HS3ST2: variants seen among roughly 807,000 people sequenced by gnomAD.
HS3ST2 encodes the protein heparan sulfate glucosamine 3-O-sulfotransferase 2.
Under a neutral mutation model 26.3 loss-of-function variants are expected in HS3ST2, and 17 were observed. That is an observed-to-expected ratio of 0.65 (90% CI 0.44 to 0.97). HS3ST2 has a LOEUF of 0.97. Among genes scored for constraint, HS3ST2 ranks in the 50% least tolerant of loss-of-function variants. HS3ST2 has a pLI of 0.00. For missense variants in HS3ST2, 402 were observed against 501.2 expected, an observed-to-expected ratio of 0.80 and a Z score of 1.89; for synonymous variants, 237 against 219.2, an observed-to-expected ratio of 1.08 and a Z score of -0.72.
At chr16:22,910,105 G>A (rs1458337660) in intron 1 of HS3ST2, among the ~76,000 whole-genome samples, 10 of 151,696 alleles carry the variant, frequency 6.6e-5, no homozygotes, top group Non-Finnish European at 1.0e-4. Flanking sequence ...CTTCACTTTA[G>A]TGCACAGATG....
At chr16:22,817,184 A>C (rs2141172266) in intron 1 of HS3ST2, among the ~76,000 whole-genome samples, 1 of 152,214 alleles carries the variant, frequency 6.6e-6, no homozygotes, top group Admixed American at 6.5e-5. Context: ...GGTTTTATTT[A>C]ACATCAAGCA....
intron 1 of HS3ST2, among the ~76,000 whole-genome samples, chr16:22,816,355 CTT>C (rs1567477513): frequency 6.6e-6 from 1 of 152,208 alleles, no homozygotes; most frequent in African/African-American, 2.4e-5. Context: ...CAAGGGACAA[CTT>C]TGTTAGAAAG....
intron 1 of HS3ST2, among the ~76,000 whole-genome samples, chr16:22,816,467 A>G (rs903158318): frequency 3.9e-5 from 6 of 152,202 alleles, no homozygotes; most frequent in African/African-American, 1.2e-4. Context: ...CTGGCTCGCA[A>G]TGGTTGTAGT....
intron 1 of HS3ST2, among the ~76,000 whole-genome samples, chr16:22,913,820 G>A (rs1005375490): frequency 6.6e-6 from 1 of 152,122 alleles, no homozygotes; most frequent in Non-Finnish European, 1.5e-5. Flanking sequence ...GGGCAACATA[G>A]TGAGACCCTA....
At position 22,814,847 on chromosome 16, in the gene HS3ST2, G is replaced by T; in HGVS notation, c.237G>T (p.Thr79=). 6.4e-7 allele frequency: 1 copy of T among 1,561,188 alleles called. No homozygotes were observed. Among genetic ancestry groups the T allele is most frequent in the Non-Finnish European group, 8.7e-7 (1 of 1,153,626 alleles). Residue 79 remains threonine (T), a synonymous_variant, in exon 1 of 2, where the codon ACG becomes ACT. Coordinates refer to ENST00000261374, the MANE Select transcript of HS3ST2 (RefSeq NM_006043.2). ...KSRPCDPSGP[T]PSEPSAPSAP... is the part of the protein sequence containing the mutation. ...GCCCCTGTGATCCCTCCGGGCCGAC[G>T]CCCAGCGAGCCCAGCGCTCCCAGCG...
intron 1 of HS3ST2, among the ~76,000 whole-genome samples, chr16:22,857,951 T>C (rs1207615551): frequency 6.6e-6 from 1 of 152,166 alleles, no homozygotes; most frequent in Non-Finnish European, 1.5e-5. Context: ...TGAGAGATTC[T>C]TAAGTAGGAT....
intron 1 of HS3ST2, among the ~76,000 whole-genome samples, chr16:22,837,981 T>C (rs536336777): frequency 1.3e-5 from 2 of 152,170 alleles, no homozygotes; most frequent in African/African-American, 2.4e-5. Flanking sequence ...TTTCCACTTA[T>C]GTGCCTAACA....
intron 1 of HS3ST2, among the ~76,000 whole-genome samples, chr16:22,832,171 A>ATTTTTTTTTTTTTTTTT (rs1289839839): frequency 3.6e-5 from 4 of 112,212 alleles, no homozygotes; most frequent in African/African-American, 3.1e-5. Context: ...TTTTTTTTTA[A>ATTTTTTTTTTTTTTTTT]TTTTTAGTGG....
chr16:22,884,859 T>A (rs867974544), intron 1 of HS3ST2, among the ~76,000 whole-genome samples: 9 of 148,974 alleles, frequency 6.0e-5, no homozygotes, highest in Non-Finnish European at 8.9e-5. Context: ...TTTTTTTTTT[T>A]AAACAGAGTC....
intron 1 of HS3ST2, among the ~76,000 whole-genome samples, chr16:22,840,305 C>T (rs777633773): frequency 1.3e-5 from 2 of 152,202 alleles, no homozygotes; most frequent in African/African-American, 4.8e-5. Context: ...AGGGAGGTCA[C>T]TTCTAGCCCA....
intron 1 of HS3ST2, among the ~76,000 whole-genome samples, chr16:22,912,778 G>A (rs375702790): frequency 5.2e-4 from 79 of 152,236 alleles, no homozygotes; most frequent in African/African-American, 1.7e-3. Context: ...AAGTCATCAG[G>A]TTGTTGCCAT....
intron 1 of HS3ST2, among the ~76,000 whole-genome samples, chr16:22,858,770 G>C (rs991721064): frequency 6.6e-6 from 1 of 151,922 alleles, no homozygotes; most frequent in African/African-American, 2.4e-5. Flanking sequence ...TCCTTCACTG[G>C]GCTTGTCTGA....
intron 1 of HS3ST2, among the ~76,000 whole-genome samples, chr16:22,829,262 C>T (rs1456658773): frequency 6.6e-6 from 1 of 152,150 alleles, no homozygotes; most frequent in African/African-American, 2.4e-5. Flanking sequence ...ACTCAACATC[C>T]TTAGGGATTC....
chr16:22,829,919 T>C (rs1901144284), intron 1 of HS3ST2, among the ~76,000 whole-genome samples: 1 of 152,198 alleles, frequency 6.6e-6, no homozygotes, highest in African/African-American at 2.4e-5. Flanking sequence ...CAAGAGGCAC[T>C]CACTGTCATC....
intron 1 of HS3ST2, among the ~76,000 whole-genome samples, chr16:22,831,889 G>A (rs1901175785): frequency 6.6e-6 from 1 of 152,060 alleles, no homozygotes; most frequent in African/African-American, 2.4e-5. Flanking sequence ...TGTGGTGGTG[G>A]TCACATGTAT....
At chr16:22,884,402 G>A (rs902479359) in intron 1 of HS3ST2, among the ~76,000 whole-genome samples, 2 of 152,098 alleles carry the variant, frequency 1.3e-5, no homozygotes, top group Admixed American at 6.5e-5. Flanking sequence ...AGCTCCTGCC[G>A]AGGTAGAAGG....
At chr16:22,901,191 G>GA (rs777356175) in intron 1 of HS3ST2, among the ~76,000 whole-genome samples, 15 of 152,208 alleles carry the variant, frequency 9.9e-5, no homozygotes, top group South Asian at 2.1e-4. Context: ...CCAGGAAAAG[G>GA]AAAAGCTGGG....
At chr16:22,884,997 C>T (rs1383327733) in intron 1 of HS3ST2, among the ~76,000 whole-genome samples, 7 of 151,874 alleles carry the variant, frequency 4.6e-5, no homozygotes, top group South Asian at 2.1e-4. Context: ...CGTGCCACCA[C>T]GCCCAGCTAA....
intron 1 of HS3ST2, chr16:22,854,608 ATTG>A (rs931761019): frequency 7.5e-5 from 11 of 146,096 alleles, no homozygotes; most frequent in African/African-American, 2.7e-4. Context: ...GCTTTTCTGC[ATTG>A]TTAATTTATC....
Sources: allele counts gnomAD v4.1 joint callset (sites outside exome capture counted in the v4.1 genomes callset), GRCh38; gene constraint gnomAD v4.1.1; transcripts MANE v1.5; gene names NCBI Gene and HGNC (gene_info 2026-07-23, HGNC 2026-07-21).